The following ST3GAL3 variants were observed in gnomAD, a reference collection of about 807,000 sequenced individuals.
ST3GAL3 encodes ST3 beta-galactoside alpha-2,3-sialyltransferase 3.
Under a neutral mutation model 50.1 loss-of-function variants are expected in ST3GAL3, and 21 were observed. The ratio of observed to expected loss-of-function variants is 0.42; its 90% confidence interval spans 0.30 to 0.60. The LOEUF is 0.60. Ranked by LOEUF, ST3GAL3 falls within the 20% of genes least tolerant of loss-of-function variation. ST3GAL3 has a pLI of 0.19. For synonymous variants in ST3GAL3, 183 were observed against 190.0 expected (o/e 0.96, Z 0.30); for missense variants, 353 against 489.4 (o/e 0.72, Z 2.63).
At chr1:43,894,246 G>T in intron 5 of ST3GAL3, 137 bp from the exon 6 acceptor site, 1 of 835,854 alleles carries the variant, frequency 1.2e-6, no homozygotes, top group Non-Finnish European at 2.1e-6. Flanking sequence ...CCAGTGAACA[G>T]GCTGGGTGGA....
intron 5 of ST3GAL3, among the ~76,000 whole-genome samples, chr1:43,876,518 G>A (rs1187796612): frequency 6.6e-6 from 1 of 152,200 alleles, no homozygotes; most frequent in Non-Finnish European, 1.5e-5. Context: ...GTAAGGTACT[G>A]TGGCAGGAAA....
intron 5 of ST3GAL3, among the ~76,000 whole-genome samples, chr1:43,885,688 C>T (rs1213066622): frequency 6.6e-6 from 1 of 152,236 alleles, no homozygotes; most frequent in African/African-American, 2.4e-5. Flanking sequence ...ATAATTAACA[C>T]ACACACACCA....
intron 3 of ST3GAL3, among the ~76,000 whole-genome samples, chr1:43,807,430 A>AAATAAATAAATC (rs2060030014): frequency 6.6e-6 from 1 of 151,038 alleles, no homozygotes; most frequent in Non-Finnish European, 1.5e-5. Context: ...ATAAATAAAT[A>AAATAAATAAATC]AATAAATAAA....
At chr1:43,838,114 CAAA>C (rs56058853) in intron 4 of ST3GAL3, 102 bp from the exon 5 acceptor site, 142 of 357,498 alleles carry the variant, frequency 4.0e-4, no homozygotes, top group South Asian at 6.3e-4. Context: ...GACTCCGTCT[CAAA>C]AAAAAAAAAA....
At position 43,751,544 on chromosome 1, in the gene ST3GAL3, A is replaced by G. The variant is rs75655381; in HGVS notation, c.118+15164A>G. The stretch of plus-strand genomic sequence containing the variant: ...TGAAATGGCTAAGGTAGATCTTCAT[A>G]TACTCCTACATGAAGATGGAAAGTA... On this transcript the variant is annotated intron_variant, in intron 2 of 11. Coordinates refer to ENST00000347631, the MANE Select transcript of ST3GAL3 (RefSeq NM_006279.5). Among the ~76,000 whole-genome samples the G allele has an allele frequency of 5.3e-3, 809 of 152,354 alleles. 16 individuals are homozygous for G. The highest frequency in any genetic ancestry group is 0.018 in the African/African-American group (752 of 41,584).
Position 43,806,402 on chromosome 1 carries a change from G to A in ST3GAL3, c.167-8489G>A, listed in dbSNP as rs114923788. ...AGAAGACAGATCAAGAGGTTGCCAC[G>A]TGAACCAAGCAACAGTGAAGACTCA... On this transcript the variant is annotated intron_variant, in intron 3 of 11. Coordinates refer to ENST00000347631, the MANE Select transcript of ST3GAL3 (RefSeq NM_006279.5). Among the ~76,000 whole-genome samples, 724 of 152,208 alleles carry A rather than the reference G, an allele frequency of 4.8e-3. 4 individuals are homozygous for A. Among genetic ancestry groups the A allele is most frequent in the Middle Eastern group, 0.017 (5 of 294 alleles).
At chr1:43,724,259 G>A (rs918525727) in intron 1 of ST3GAL3, among the ~76,000 whole-genome samples, 22 of 151,842 alleles carry the variant, frequency 1.4e-4, no homozygotes, top group Admixed American at 1.2e-3. Flanking sequence ...TTCCCAGTCT[G>A]GATTGCAGTG....
At chr1:43,929,714 A>G (rs991052609) in intron 11 of ST3GAL3, among the ~76,000 whole-genome samples, 1 of 152,208 alleles carries the variant, frequency 6.6e-6, no homozygotes, top group African/African-American at 2.4e-5. Flanking sequence ...AGATTGCATC[A>G]GGCCAGGGAG....
chr1:43,798,566 A>G (rs1314381967), intron 3 of ST3GAL3, among the ~76,000 whole-genome samples: 1 of 151,614 alleles, frequency 6.6e-6, no homozygotes, highest in African/African-American at 2.4e-5. Context: ...GACTGTTCTT[A>G]CCTCCTGCTT....
intron 4 of ST3GAL3, among the ~76,000 whole-genome samples, chr1:43,830,426 C>G (rs906795495): frequency 6.6e-5 from 10 of 152,252 alleles, no homozygotes; most frequent in African/African-American, 2.4e-4. Context: ...TTAATACATT[C>G]TTCCTCATAT....
At chr1:43,865,009 C>T (rs1333096465) in intron 5 of ST3GAL3, among the ~76,000 whole-genome samples, 1 of 141,170 alleles carries the variant, frequency 7.1e-6, no homozygotes, top group Admixed American at 7.4e-5. Flanking sequence ...AACAGAGTAT[C>T]TATGTACAAC....
At chr1:43,802,023 CCA>C (rs1457828187) in intron 3 of ST3GAL3, among the ~76,000 whole-genome samples, 5 of 145,992 alleles carry the variant, frequency 3.4e-5, no homozygotes, top group Admixed American at 1.4e-4. Context: ...AACAAACAAA[CCA>C]AAAAGAACTA....
chr1:43,727,594 A>G (rs1159275552), intron 1 of ST3GAL3, among the ~76,000 whole-genome samples: 6 of 152,238 alleles, frequency 3.9e-5, no homozygotes, highest in Non-Finnish European at 8.8e-5. Context: ...TGGGACCAGC[A>G]TTCAGAAGGC....
At chr1:43,830,532 C>T (rs2063407531) in intron 4 of ST3GAL3, among the ~76,000 whole-genome samples, 1 of 152,142 alleles carries the variant, frequency 6.6e-6, no homozygotes, top group South Asian at 2.1e-4. Flanking sequence ...AACTGTGACA[C>T]CTGCTTTGAG....
intron 11 of ST3GAL3, 49 bp downstream of exon 11, chr1:43,920,977 G>A: frequency 1.9e-6 from 3 of 1,555,344 alleles, no homozygotes; most frequent in South Asian, 2.4e-5. Flanking sequence ...TGAGGGGGAG[G>A]TGCATAAATG....
At chr1:43,773,879 G>T (rs1011858611) in intron 2 of ST3GAL3, among the ~76,000 whole-genome samples, 4 of 152,176 alleles carry the variant, frequency 2.6e-5, no homozygotes, top group Non-Finnish European at 5.9e-5. Flanking sequence ...CTTCTGATGT[G>T]ATGCAGTAAG....
chr1:43,898,007 T>G (rs1435124147), intron 6 of ST3GAL3, among the ~76,000 whole-genome samples: 4 of 152,108 alleles, frequency 2.6e-5, no homozygotes, highest in Non-Finnish European at 5.9e-5. Flanking sequence ...GTGCCAGTGT[T>G]AGGGACGGGC....
rs545934170 is a variant in ST3GAL3, at chr1:43,792,016, G to A, written c.119-86G>A. The A allele has an allele frequency of 7.2e-4, 1,091 of 1,510,192 alleles. 26 individuals carry two copies. In the South Asian group the frequency reaches 0.012, roughly 16 times the overall value. The allele number at this position is 1,510,192 out of a possible 1,614,324, so 93.5% of individuals were successfully genotyped here. ...GTTCCCTTCCAGTTGACTCTGCTTT[G>A]AGGGAGGGTTTGGGCAGAGCCAGTG... is the stretch of plus-strand genomic sequence containing the variant. On this transcript the variant is annotated intron_variant, in intron 2 of 11. Transcript: ENST00000347631.
At chr1:43,853,288 G>A (rs912003571) in intron 5 of ST3GAL3, among the ~76,000 whole-genome samples, 1 of 152,230 alleles carries the variant, frequency 6.6e-6, no homozygotes, top group African/African-American at 2.4e-5. Flanking sequence ...TAGCAGCAGT[G>A]ACAGTGATAG....
Sources: gnomAD v4.1 joint callset for allele counts (sites outside exome capture counted in the v4.1 genomes callset) on GRCh38, gnomAD v4.1.1 for gene constraint, MANE v1.5 for transcripts, NCBI Gene and HGNC (gene_info 2026-07-23, HGNC 2026-07-21) for gene names.